Variants in GABRB1 observed in about 807,000 individuals in gnomAD.
GABRB1 encodes gamma-aminobutyric acid type A receptor subunit beta1, also known as gamma-aminobutyric acid receptor subunit beta-1.
In GABRB1, 17 loss-of-function variants were observed where a neutral mutation model predicts 51.6. The observed-to-expected ratio is 0.33, with a 90% CI of 0.23 to 0.49. GABRB1 has a LOEUF of 0.49. GABRB1 is among the 20% of genes least tolerant of loss of function. GABRB1 has a pLI of 0.99. For synonymous variants in GABRB1, 247 were observed against 218.9 expected, an observed-to-expected ratio of 1.13 and a Z score of -1.14; for missense variants, 410 against 600.6, an observed-to-expected ratio of 0.68 and a Z score of 3.32.
intron 5 of GABRB1, among the ~76,000 whole-genome samples, chr4:47,376,688 G>A (rs987277092): frequency 6.6e-6 from 1 of 152,148 alleles, no homozygotes; most frequent in Non-Finnish European, 1.5e-5. Context: ...GATCTCAGCA[G>A]GAAGAAGTTC....
intron 3 of GABRB1, among the ~76,000 whole-genome samples, chr4:47,034,117 A>T (rs1239355756): frequency 6.6e-6 from 1 of 152,202 alleles, no homozygotes. Flanking sequence ...TCTTGTAAGC[A>T]TCCACAGATA....
At chr4:47,117,278 G>A (rs1313955526) in intron 3 of GABRB1, among the ~76,000 whole-genome samples, 1 of 152,076 alleles carries the variant, frequency 6.6e-6, no homozygotes, top group Non-Finnish European at 1.5e-5. Flanking sequence ...TATGGAGTTC[G>A]CTCATATAAA....
intron 4 of GABRB1, among the ~76,000 whole-genome samples, chr4:47,302,681 G>A (rs1724305523): frequency 6.6e-6 from 1 of 151,948 alleles, no homozygotes; most frequent in African/African-American, 2.4e-5. Flanking sequence ...AATGTACTCA[G>A]TATAATAATG....
intron 5 of GABRB1, among the ~76,000 whole-genome samples, chr4:47,393,066 G>A (rs777042326): frequency 6.6e-6 from 1 of 152,232 alleles, no homozygotes; most frequent in Non-Finnish European, 1.5e-5. Context: ...CATCCGTTTT[G>A]CTGGTGCAGA....
chr4:47,203,497 G>A (rs984232763), intron 4 of GABRB1, among the ~76,000 whole-genome samples: 21 of 152,248 alleles, frequency 1.4e-4, no homozygotes, highest in African/African-American at 4.8e-4. Context: ...TACAAAGAAT[G>A]ATAGAGTAGG....
intron 4 of GABRB1, among the ~76,000 whole-genome samples, chr4:47,311,119 C>A (rs1471642412): frequency 6.8e-6 from 1 of 146,966 alleles, no homozygotes; most frequent in Non-Finnish European, 1.5e-5. Context: ...CGCTGGAGGA[C>A]GCGGTGGCTC....
intron 4 of GABRB1, among the ~76,000 whole-genome samples, chr4:47,235,184 T>C (rs1721282925): frequency 6.6e-6 from 1 of 152,124 alleles, no homozygotes; most frequent in African/African-American, 2.4e-5. Context: ...TCAGAGTCAT[T>C]AATCTTCATA....
At chr4:47,381,647 G>A (rs190479438) in intron 5 of GABRB1, among the ~76,000 whole-genome samples, 103 of 152,280 alleles carry the variant, frequency 6.8e-4, no homozygotes, top group Admixed American at 1.2e-3. Flanking sequence ...CTTGGAAGAG[G>A]CTGTCTAACC....
intron 1 of GABRB1, among the ~76,000 whole-genome samples, chr4:47,002,636 C>T (rs530733471): frequency 1.1e-4 from 16 of 152,054 alleles, no homozygotes; most frequent in South Asian, 4.1e-4. Flanking sequence ...ATCAGACACA[C>T]GCAAACTAAA....
chr4:47,408,097 A>T (rs1037145189), intron 8 of GABRB1, among the ~76,000 whole-genome samples: 1 of 152,172 alleles, frequency 6.6e-6, no homozygotes, highest in African/African-American at 2.4e-5. Context: ...GTCTTAAAAT[A>T]ATAATAATTT....
At chr4:47,158,319 T>C (rs533889473) in intron 3 of GABRB1, among the ~76,000 whole-genome samples, 1 of 152,230 alleles carries the variant, frequency 6.6e-6, no homozygotes, top group Admixed American at 6.5e-5. Flanking sequence ...GTGTACAACA[T>C]GGTGTTTTCA....
chr4:47,054,159 T>C (rs1726481170), intron 3 of GABRB1, among the ~76,000 whole-genome samples: 1 of 152,218 alleles, frequency 6.6e-6, no homozygotes, highest in South Asian at 2.1e-4. Context: ...AAGTTTTTTT[T>C]TTCTGTCATA....
rs149394413 is a variant in GABRB1, at chr4:47,158,342, T to C, written c.241-2907T>C. On this transcript the variant is annotated intron_variant, in intron 3 of 8. Coordinates refer to ENST00000295454, the MANE Select transcript of GABRB1 (RefSeq NM_000812.4). Reference sequence around the variant, plus strand: ...CATGGTGTTTTCAAATATCTGTACATTGTGGAATGGCTAAATAAAGCTAAT... The same window carrying C: ...CATGGTGTTTTCAAATATCTGTACACTGTGGAATGGCTAAATAAAGCTAAT... Among the ~76,000 whole-genome samples the C allele has an allele frequency of 3.8e-4, 58 of 152,272 alleles. 1 individual carries two copies. The highest frequency in any genetic ancestry group is 1.4e-3 in the African/African-American group (58 of 41,568).
intron 4 of GABRB1, among the ~76,000 whole-genome samples, chr4:47,235,942 G>A (rs533733635): frequency 2.0e-5 from 3 of 152,028 alleles, no homozygotes; most frequent in Non-Finnish European, 2.9e-5. Context: ...TAGCACAAAC[G>A]TCCCCATTCC....
chr4:47,365,453 G>A (rs902175204), intron 5 of GABRB1, among the ~76,000 whole-genome samples: 2 of 152,168 alleles, frequency 1.3e-5, no homozygotes, highest in African/African-American at 4.8e-5. Context: ...GCCCATTGGA[G>A]AGGGATTTGG....
At chr4:47,163,793 C>T (rs1377036046) in intron 4 of GABRB1, among the ~76,000 whole-genome samples, 1 of 151,958 alleles carries the variant, frequency 6.6e-6, no homozygotes, top group Admixed American at 6.6e-5. Context: ...CATTTCACCT[C>T]CCTGGGCTTC....
intron 8 of GABRB1, among the ~76,000 whole-genome samples, chr4:47,421,734 T>C (rs1729095174): frequency 6.6e-6 from 1 of 152,130 alleles, no homozygotes; most frequent in Non-Finnish European, 1.5e-5. Context: ...TGACCCCCAA[T>C]GATTTCTCAC....
intron 3 of GABRB1, among the ~76,000 whole-genome samples, chr4:47,155,057 A>T (rs1717631368): frequency 6.6e-6 from 1 of 152,052 alleles, no homozygotes; most frequent in South Asian, 2.1e-4. Flanking sequence ...ATGTTTATTG[A>T]CTGCCTGTGA....
intron 5 of GABRB1, among the ~76,000 whole-genome samples, chr4:47,359,261 C>G (rs902918175): frequency 1.3e-5 from 2 of 152,022 alleles, no homozygotes; most frequent in African/African-American, 4.8e-5. Flanking sequence ...GAAGTATACC[C>G]CTTAGCAGTG....
Sources: gnomAD v4.1 joint callset for allele counts (sites outside exome capture counted in the v4.1 genomes callset) on GRCh38, gnomAD v4.1.1 for gene constraint, MANE v1.5 for transcripts, NCBI Gene and HGNC (gene_info 2026-07-23, HGNC 2026-07-21) for gene names.